The following OPCML variants were observed in gnomAD, a reference collection of about 807,000 sequenced individuals.
OPCML encodes the protein opioid-binding protein/cell adhesion molecule.
In OPCML, 13 loss-of-function variants were observed where a neutral mutation model predicts 37.8. The observed-to-expected ratio is 0.34, with a 90% CI of 0.22 to 0.55. OPCML has a LOEUF of 0.55. OPCML is among the 20% of genes least tolerant of loss of function. The pLI is 0.91. For synonymous variants in OPCML, 176 were observed against 168.8 expected (o/e 1.04, Z -0.33); for missense variants, 341 against 435.6 (o/e 0.78, Z 1.93).
At chr11:132,582,189 C>T (rs544127703) in intron 3 of OPCML, among the ~76,000 whole-genome samples, 79 of 147,484 alleles carry the variant, frequency 5.4e-4, no homozygotes, top group African/African-American at 1.9e-3. Context: ...ACAAAGGATC[C>T]CATGTACAAT....
intron 1 of OPCML, among the ~76,000 whole-genome samples, chr11:133,252,964 G>T (rs959689238): frequency 6.6e-6 from 1 of 152,042 alleles, no homozygotes; most frequent in East Asian, 1.9e-4. Context: ...TGACCAACAT[G>T]GTGAAACCCC....
chr11:133,413,484 AAAAT>A (rs1044754837), intron 1 of OPCML, among the ~76,000 whole-genome samples: 20 of 149,714 alleles, frequency 1.3e-4, no homozygotes, highest in Admixed American at 5.3e-4. Context: ...ATAATAATAA[AAAAT>A]AAATAAATAA....
At chr11:132,911,540 G>A (rs762897214) in intron 2 of OPCML, among the ~76,000 whole-genome samples, 5 of 152,176 alleles carry the variant, frequency 3.3e-5, no homozygotes, top group Non-Finnish European at 7.3e-5. Flanking sequence ...CATGTTATGC[G>A]AAAGAAAGTC....
At chr11:132,925,093 T>G (rs552812959) in intron 2 of OPCML, among the ~76,000 whole-genome samples, 29 of 152,322 alleles carry the variant, frequency 1.9e-4, no homozygotes, top group African/African-American at 6.7e-4. Flanking sequence ...TCTGTAACAG[T>G]ATTTTCTTTC....
chr11:132,906,664 A>G (rs1179343267), intron 2 of OPCML, among the ~76,000 whole-genome samples: 1 of 152,236 alleles, frequency 6.6e-6, no homozygotes, highest in Non-Finnish European at 1.5e-5. Context: ...GCGAGTGTAC[A>G]GGAAAGGAAA....
chr11:132,817,558 G>C (rs893229602), intron 2 of OPCML, among the ~76,000 whole-genome samples: 1 of 152,090 alleles, frequency 6.6e-6, no homozygotes, highest in African/African-American at 2.4e-5. Flanking sequence ...TGTTTTTCTG[G>C]ATATATGCCT....
chr11:133,363,033 G>A (rs749566902), intron 1 of OPCML, among the ~76,000 whole-genome samples: 7 of 152,194 alleles, frequency 4.6e-5, no homozygotes, highest in Admixed American at 2.0e-4. Flanking sequence ...AGGACACTGC[G>A]CGAGGCCAGC....
chr11:132,930,105 T>C (rs536771188), intron 2 of OPCML, among the ~76,000 whole-genome samples: 3 of 152,288 alleles, frequency 2.0e-5, no homozygotes, highest in Admixed American at 1.3e-4. Context: ...GGCCCACACC[T>C]ATAATCCCAG....
chr11:132,678,319 T>C (rs566687731), intron 2 of OPCML, among the ~76,000 whole-genome samples: 75 of 152,336 alleles, frequency 4.9e-4, no homozygotes, highest in African/African-American at 1.6e-3. Context: ...TATGGCCAAT[T>C]TGAAAGATAG....
intron 1 of OPCML, among the ~76,000 whole-genome samples, chr11:132,976,185 A>G (rs1946458993): frequency 6.6e-6 from 1 of 152,202 alleles, no homozygotes; most frequent in Non-Finnish European, 1.5e-5. Context: ...AATAAAGGGT[A>G]GAAATGCCAG....
At chr11:132,701,928 T>A (rs1943841821) in intron 2 of OPCML, among the ~76,000 whole-genome samples, 2 of 152,126 alleles carry the variant, frequency 1.3e-5, no homozygotes, top group Non-Finnish European at 2.9e-5. Context: ...TGATAAATCT[T>A]AATTTCAACC....
intron 5 of OPCML, 132 bp downstream of exon 5, chr11:132,437,089 AG>A (rs1158940796): frequency 1.4e-6 from 2 of 1,428,670 alleles, no homozygotes; most frequent in Non-Finnish European, 9.4e-7. Context: ...TGGTGGGCAA[AG>A]CCATCTGATG....
chr11:132,451,910 G>A (rs149302790), intron 4 of OPCML, among the ~76,000 whole-genome samples: 9 of 152,214 alleles, frequency 5.9e-5, no homozygotes, highest in Middle Eastern at 3.4e-3. Flanking sequence ...CTCTTCCTCT[G>A]TATTACCAGT....
intron 1 of OPCML, among the ~76,000 whole-genome samples, chr11:133,057,986 C>T (rs924184694): frequency 1.3e-5 from 2 of 152,166 alleles, no homozygotes; most frequent in Admixed American, 6.5e-5. Flanking sequence ...CGTTATCTGC[C>T]TTCCGCACTA....
Position 132,697,105 on chromosome 11 carries a change from A to C in OPCML, c.147-39786T>G, listed in dbSNP as rs927829184. Among the ~76,000 whole-genome samples, 5 of 152,322 alleles carry C rather than the reference A, an allele frequency of 3.3e-5. 1 individual carries two copies. The highest frequency in any genetic ancestry group is 3.3e-4 in the Admixed American group (5 of 15,302). ...GATGAAAAAAGCAAAATGTGGCAAA[A>C]CTATTTTAAAATGAAAATTTCCCCG... is the stretch of plus-strand genomic sequence containing the variant. On this transcript the variant is annotated intron_variant, in intron 2 of 7. Transcript: ENST00000524381.
At chr11:132,640,423 C>A (rs554020417) in intron 3 of OPCML, among the ~76,000 whole-genome samples, 1 of 152,166 alleles carries the variant, frequency 6.6e-6, no homozygotes, top group African/African-American at 2.4e-5. Flanking sequence ...CAGTTACCCA[C>A]GCCTGTAAAA....
intron 3 of OPCML, among the ~76,000 whole-genome samples, chr11:132,645,301 G>C (rs1377726164): frequency 6.6e-6 from 1 of 152,202 alleles, no homozygotes; most frequent in Admixed American, 6.5e-5. Flanking sequence ...GCTGGACGTG[G>C]CTTTTCATGA....
chr11:132,610,004 T>A (rs182647198), intron 3 of OPCML, among the ~76,000 whole-genome samples: 34 of 146,368 alleles, frequency 2.3e-4, no homozygotes, highest in African/African-American at 6.6e-4. Flanking sequence ...ACACAAATAC[T>A]TTTTCTCCTT....
intron 1 of OPCML, among the ~76,000 whole-genome samples, chr11:133,375,981 G>A (rs910763799): frequency 2.0e-5 from 3 of 152,290 alleles, no homozygotes; most frequent in Admixed American, 6.5e-5. Context: ...CAGAGCCAGG[G>A]AGCAGAAACT....
Sources: gnomAD v4.1 joint callset for allele counts (sites outside exome capture counted in the v4.1 genomes callset) on GRCh38, gnomAD v4.1.1 for gene constraint, MANE v1.5 for transcripts, NCBI Gene and HGNC (gene_info 2026-07-23, HGNC 2026-07-21) for gene names.